Variants in RAB38 observed in about 807,000 individuals in gnomAD.
The protein encoded by RAB38 is RAB38, member RAS oncogene family.
Under a neutral mutation model 18.4 loss-of-function variants are expected in RAB38, and 15 were observed. That is an observed-to-expected ratio of 0.82 (90% confidence interval 0.55 to 1.26). RAB38 has a LOEUF of 1.26. Among genes scored for constraint, RAB38 ranks in the 50% most tolerant of loss-of-function variants. RAB38 has a pLI of 0.00. For synonymous variants in RAB38, 101 were observed against 104.4 expected (o/e 0.97, Z 0.20); for missense variants, 294 against 267.4 (o/e 1.10, Z -0.69).
At chr11:88,111,393 T>C (rs535746928), downstream of RAB38, among the ~76,000 whole-genome samples, 12 of 152,242 alleles carry the variant, frequency 7.9e-5, no homozygotes, top group South Asian at 2.5e-3. Context: ...CTACCTTCTC[T>C]AACTGCTGGT....
chr11:87,889,735 C>T, the RAB38 span, among the ~76,000 whole-genome samples: 1 of 151,726 alleles, frequency 6.6e-6, no homozygotes, highest in African/African-American at 2.4e-5. Context: ...CTTCAAAGCC[C>T]ATATTCTTTC....
At chr11:87,964,462 A>G in the RAB38 span, among the ~76,000 whole-genome samples, 6 of 152,042 alleles carry the variant, frequency 3.9e-5, no homozygotes, top group Non-Finnish European at 8.8e-5. Flanking sequence ...GCCCCTGTTG[A>G]CTGGCCAGAA....
the RAB38 span, among the ~76,000 whole-genome samples, chr11:88,029,023 C>A: frequency 1.3e-5 from 2 of 152,082 alleles, no homozygotes; most frequent in African/African-American, 4.8e-5. Context: ...AGACTAACAG[C>A]GGATCTCTCG....
intron 2 of RAB38, among the ~76,000 whole-genome samples, chr11:88,136,646 C>T (rs1942839374): frequency 6.6e-6 from 1 of 152,106 alleles, no homozygotes; most frequent in African/African-American, 2.4e-5. Context: ...AAGATTTGCA[C>T]ACATTTTTAG....
downstream of RAB38, among the ~76,000 whole-genome samples, chr11:88,109,618 T>A (rs1942447387): frequency 6.6e-6 from 1 of 152,218 alleles, no homozygotes; most frequent in East Asian, 1.9e-4. Context: ...TTGCAATTTA[T>A]CCATCTGACA....
At chr11:87,846,219 G>A in the RAB38 span, among the ~76,000 whole-genome samples, 5 of 152,022 alleles carry the variant, frequency 3.3e-5, no homozygotes, top group Non-Finnish European at 5.9e-5. Context: ...CAGAAAACAA[G>A]AGAATGGTAG....
the RAB38 span, among the ~76,000 whole-genome samples, chr11:87,914,534 A>G: frequency 6.6e-6 from 1 of 152,148 alleles, no homozygotes; most frequent in Non-Finnish European, 1.5e-5. Flanking sequence ...GGTAGAATTT[A>G]TAATTAAAAG....
chr11:88,007,173 A>T, the RAB38 span, among the ~76,000 whole-genome samples: 1 of 151,894 alleles, frequency 6.6e-6, no homozygotes, highest in Non-Finnish European at 1.5e-5. Flanking sequence ...CTATAGAACT[A>T]AATATGAGGA....
intron 2 of RAB38, among the ~76,000 whole-genome samples, chr11:88,128,057 A>C (rs1942725142): frequency 6.6e-6 from 1 of 152,214 alleles, no homozygotes; most frequent in Non-Finnish European, 1.5e-5. Context: ...AAAAAGCACA[A>C]AAGAAATTGT....
At chr11:87,975,364 A>G in the RAB38 span, among the ~76,000 whole-genome samples, 2 of 151,962 alleles carry the variant, frequency 1.3e-5, no homozygotes, top group Non-Finnish European at 2.9e-5. Flanking sequence ...CAAAGATGAG[A>G]CAAAATTAAA....
At chr11:88,008,846 G>T in the RAB38 span, among the ~76,000 whole-genome samples, 11,351 of 152,126 alleles carry the variant, frequency 0.075, 520 homozygotes, top group South Asian at 0.15. Context: ...GCTAATTTTT[G>T]TATTTTTAGT....
the RAB38 span, among the ~76,000 whole-genome samples, chr11:87,953,532 G>C: frequency 6.6e-6 from 1 of 150,886 alleles, no homozygotes; most frequent in Non-Finnish European, 1.5e-5. Flanking sequence ...TTATGTGAAT[G>C]TGGGCTCTCT....
rs1173074062 is a variant in RAB38, at chr11:88,174,636, A to AC, written c.202+546_202+547insG. Among the ~76,000 whole-genome samples, 135 of 149,344 alleles carry AC rather than the reference A, an allele frequency of 9.0e-4. 2 individuals are homozygous for AC. Among genetic ancestry groups the AC allele is most frequent in the African/African-American group, 2.9e-3 (120 of 41,004 alleles). Reference sequence around the variant, plus strand: ...AGCAAAAAGCAAAAAAAAAAAAAAAAAAAAACAAAACAAAAACCCTCAAAC... The same window carrying AC: ...AGCAAAAAGCAAAAAAAAAAAAAAAACAAAAACAAAACAAAAACCCTCAAAC... On this transcript the variant is annotated intron_variant, in intron 1 of 2. Coordinates refer to ENST00000243662, the MANE Select transcript of RAB38 (RefSeq NM_022337.3).
the RAB38 span, among the ~76,000 whole-genome samples, chr11:88,027,902 C>G: frequency 6.6e-6 from 1 of 152,206 alleles, no homozygotes; most frequent in Non-Finnish European, 1.5e-5. Flanking sequence ...AGCTGGAGAT[C>G]TGAGAATGGG....
chr11:88,066,828 G>T, the RAB38 span, among the ~76,000 whole-genome samples: 1 of 152,164 alleles, frequency 6.6e-6, no homozygotes, highest in South Asian at 2.1e-4. Flanking sequence ...CATATTTTAT[G>T]TATAAAGTTT....
At chr11:88,095,774 T>C in the RAB38 span, among the ~76,000 whole-genome samples, 2 of 151,884 alleles carry the variant, frequency 1.3e-5, no homozygotes, top group Non-Finnish European at 2.9e-5. Context: ...TTGATCTCCC[T>C]AACATCACAG....
the RAB38 span, among the ~76,000 whole-genome samples, chr11:87,820,891 G>A: frequency 6.6e-6 from 1 of 152,078 alleles, no homozygotes; most frequent in Non-Finnish European, 1.5e-5. Context: ...AGAGAGAGAA[G>A]AATAAAAATT....
the RAB38 span, among the ~76,000 whole-genome samples, chr11:87,804,248 A>C: frequency 1.3e-5 from 2 of 152,034 alleles, no homozygotes; most frequent in Admixed American, 6.6e-5. Flanking sequence ...CCTCTCTCCA[A>C]TGAGTAATCT....
At chr11:87,971,336 G>C in the RAB38 span, among the ~76,000 whole-genome samples, 3 of 152,058 alleles carry the variant, frequency 2.0e-5, no homozygotes, top group African/African-American at 7.2e-5. Flanking sequence ...ATTGCTTCAA[G>C]GGTGTTTCCA....
Sources: gnomAD v4.1 joint callset for allele counts (sites outside exome capture counted in the v4.1 genomes callset) on GRCh38, gnomAD v4.1.1 for gene constraint, MANE v1.5 for transcripts, NCBI Gene and HGNC (gene_info 2026-07-23, HGNC 2026-07-21) for gene names.